The following NALCN variants were observed in gnomAD, a reference collection of about 807,000 sequenced individuals.
NALCN encodes the protein sodium leak channel NALCN.
Under a neutral mutation model 225.3 loss-of-function variants are expected in NALCN, and 111 were observed. The observed-to-expected ratio is 0.49, with a 90% confidence interval of 0.42 to 0.58. The LOEUF is 0.58. Among genes scored for constraint, NALCN ranks in the 20% least tolerant of loss-of-function variants. The pLI, the probability that NALCN is intolerant of heterozygous loss-of-function variation, is 0.00. For synonymous variants in NALCN, 764 were observed against 769.0 expected (o/e 0.99, Z 0.11); for missense variants, 1,378 against 2,202.4 (o/e 0.63, Z 7.49).
Position 101,055,744 on chromosome 13 carries a change from A to T in NALCN, c.5024-256T>A, listed in dbSNP as rs734474. ...TCACCCCTTTCATTTTGAAATAATT[A>T]AAAAAACTAGAAAATCACTAAAAAA... On this transcript the variant is annotated intron_variant, in intron 43 of 43. Transcript: ENST00000251127. Among the ~76,000 whole-genome samples the T allele has an allele frequency of 0.29, 44,567 of 151,998 alleles. 7,642 individuals carry two copies. The highest frequency in any genetic ancestry group is 0.48 in the East Asian group (2,489 of 5,166).
Position 101,089,874 on chromosome 13 carries a change from C to G in NALCN, c.3362G>C (p.Arg1121Thr). The change falls in exon 29 of 44, where the codon AGA (arginine) becomes ACA (threonine). Residue 1121 changes from arginine to threonine, a missense_variant. Coordinates refer to ENST00000251127, the MANE Select transcript of NALCN (RefSeq NM_052867.4). The surrounding 1 kb of genome is among the most constrained non-coding windows in gnomAD (Gnocchi z 4.7). ...VLSLKGWVEV[R>T]DVIIHRVGPI... ...CCCCACACGATGAATAATAACATCT[C>G]TCACTTCCACCCAGCCTTTCAAGGA... 1 of 1,614,080 alleles carries G rather than the reference C, an allele frequency of 6.2e-7. No homozygotes were observed. The highest frequency in any genetic ancestry group is 2.2e-5 in the East Asian group (1 of 44,874).
chr13:101,056,298 T>C (rs1334211874), intron 43 of NALCN, among the ~76,000 whole-genome samples: 1 of 122,512 alleles, frequency 8.2e-6, no homozygotes, highest in African/African-American at 3.1e-5. Context: ...TCTCACTCTC[T>C]CACCCAGACA....
intron 12 of NALCN, among the ~76,000 whole-genome samples, chr13:101,235,680 A>C (rs1223830517): frequency 6.6e-6 from 1 of 152,214 alleles, no homozygotes; most frequent in African/African-American, 2.4e-5. Flanking sequence ...GGAGAGATTT[A>C]CATCCACGGA....
chr13:101,068,159 G>T (rs771875036), intron 38 of NALCN, 126 bp from the exon 39 acceptor site: 5 of 633,364 alleles, frequency 7.9e-6, no homozygotes, highest in Non-Finnish European at 1.3e-5. Flanking sequence ...TTTTTAAAGT[G>T]CTTTTAGTAT....
Position 101,361,107 on chromosome 13 carries a change from T to C in NALCN, c.644+15593A>G, listed in dbSNP as rs573431363. 4.6e-5 allele frequency among the ~76,000 whole-genome samples: 7 copies of C among 152,324 alleles called. No individual in the cohort carries two copies. In the South Asian group the frequency reaches 1.4e-3, roughly 32 times the overall value. ...TTGGAATCAGTATTTTTTACAACTTTTGCCAGGTGATTTTCTTTACCAAAG... is the reference window on the plus strand; with the variant it reads ...TTGGAATCAGTATTTTTTACAACTTCTGCCAGGTGATTTTCTTTACCAAAG... On this transcript the variant is annotated intron_variant, in intron 6 of 43. Coordinates refer to ENST00000251127, the MANE Select transcript of NALCN (RefSeq NM_052867.4).
chr13:101,343,688 G>A (rs956781289), intron 7 of NALCN, among the ~76,000 whole-genome samples: 1 of 152,160 alleles, frequency 6.6e-6, no homozygotes, highest in Admixed American at 6.5e-5. Context: ...TTAGTAGGGG[G>A]CGACTGCCTC....
chr13:101,385,914 G>A (rs2046974557), intron 3 of NALCN, among the ~76,000 whole-genome samples: 2 of 152,198 alleles, frequency 1.3e-5, no homozygotes, highest in African/African-American at 4.8e-5. Context: ...TACAGTCAAA[G>A]TATAATTAGA....
chr13:101,378,604 ATAAAT>A lies in NALCN; in HGVS notation c.336_340del (p.Phe113GlyfsTer14). ...CAAAGAAACCCAAAGGCAAAAGACCATAAATCCATCAAAAACACACCAGCGATCTT... is the reference window on the plus strand; with the variant it reads ...CAAAGAAACCCAAAGGCAAAAGACCACCATCAAAAACACACCAGCGATCTT... On this transcript the variant is annotated frameshift_variant, in exon 4 of 44. Transcript: ENST00000251127. LOFTEE classifies it high-confidence loss of function. 1 of 1,610,794 alleles carries A rather than the reference ATAAAT, an allele frequency of 6.2e-7. No homozygotes were observed. Among genetic ancestry groups the A allele is most frequent in the Admixed American group, 1.7e-5 (1 of 59,850 alleles).
intron 10 of NALCN, among the ~76,000 whole-genome samples, chr13:101,260,333 G>T (rs953778814): frequency 7.9e-5 from 12 of 152,200 alleles, no homozygotes; most frequent in African/African-American, 2.9e-4. Flanking sequence ...CAGCAAACAT[G>T]GGAGTGAAGA....
chr13:101,411,420 G>A (rs1393390098), intron 1 of NALCN, among the ~76,000 whole-genome samples: 2 of 149,092 alleles, frequency 1.3e-5, no homozygotes. Flanking sequence ...TCGGCTCGCT[G>A]CAACCTCTGC....
chr13:101,298,864 A>G (rs2043850185), intron 7 of NALCN, among the ~76,000 whole-genome samples: 4 of 152,216 alleles, frequency 2.6e-5, no homozygotes, highest in Admixed American at 2.0e-4. Context: ...CCTTGTTGGA[A>G]AAATTGCCAA....
chr13:101,148,044 A>G (rs1540511), intron 15 of NALCN, among the ~76,000 whole-genome samples: 113,721 of 152,014 alleles, frequency 0.75, 42,896 homozygotes, highest in East Asian at 0.96. Flanking sequence ...ATCCTATAAT[A>G]TTGCTGTTTG....
intron 28 of NALCN, among the ~76,000 whole-genome samples, chr13:101,094,030 A>C (rs548015086): frequency 1.3e-5 from 2 of 151,256 alleles, no homozygotes; most frequent in African/African-American, 2.4e-5. Context: ...AAGAGTTTGA[A>C]CCCCCTCTCC....
At position 101,136,813 on chromosome 13, in the gene NALCN, T is replaced by C. The variant is rs2036822585; in HGVS notation, c.2118+6267A>G. ...AGCATGATTTATAATCCTTTGGGCA[T>C]GTACCCAGTAATGGGATGGCTGGGT... On this transcript the variant is annotated intron_variant, in intron 17 of 43. Transcript: ENST00000251127. Among the ~76,000 whole-genome samples, 2 of 152,232 alleles carry C rather than the reference T, an allele frequency of 1.3e-5. 1 individual carries two copies. The highest frequency in any genetic ancestry group is 4.1e-4 in the South Asian group (2 of 4,830).
At chr13:101,240,940 A>G (rs530909054) in intron 11 of NALCN, among the ~76,000 whole-genome samples, 1 of 152,312 alleles carries the variant, frequency 6.6e-6, no homozygotes, top group African/African-American at 2.4e-5. Context: ...TTACTGTTTT[A>G]TGTGAAATTG....
intron 7 of NALCN, among the ~76,000 whole-genome samples, chr13:101,342,774 C>G (rs1281508130): frequency 6.6e-6 from 1 of 152,134 alleles, no homozygotes; most frequent in Admixed American, 6.5e-5. Context: ...GCAAAGATGT[C>G]TTTACTCTTC....
chr13:101,345,494 C>A (rs1249765439), intron 6 of NALCN, 74 bp from the exon 7 acceptor site: 3 of 1,500,124 alleles, frequency 2.0e-6, no homozygotes, highest in Non-Finnish European at 2.7e-6. Flanking sequence ...AATGTAATTA[C>A]CCTTCATTAA....
At chr13:101,131,079 A>C (rs1192804056) in intron 17 of NALCN, among the ~76,000 whole-genome samples, 1 of 151,760 alleles carries the variant, frequency 6.6e-6, no homozygotes, top group Non-Finnish European at 1.5e-5. Context: ...CTCACTTTTG[A>C]ATCATCTGAG....
At chr13:101,176,405 C>A in intron 14 of NALCN, 31 bp from the exon 15 acceptor site, 4 of 1,514,278 alleles carry the variant, frequency 2.6e-6, no homozygotes, top group Non-Finnish European at 2.7e-6. Flanking sequence ...AATGAAAAAA[C>A]CCACATGCCA....
Sources: allele counts gnomAD v4.1 joint callset (sites outside exome capture counted in the v4.1 genomes callset), GRCh38; gene constraint gnomAD v4.1.1; non-coding constraint Gnocchi (gnomAD v3.1); transcripts MANE v1.5; gene names NCBI Gene and HGNC (gene_info 2026-07-23, HGNC 2026-07-21).